The following CNBD1 variants were observed in gnomAD, a reference collection of about 807,000 sequenced individuals.
CNBD1 encodes the protein cyclic nucleotide-binding domain-containing protein 1.
Under a neutral mutation model 54.4 loss-of-function variants are expected in CNBD1, and 71 were observed. The ratio of observed to expected loss-of-function variants is 1.30; its 90% CI spans 1.08 to 1.59. The LOEUF (loss-of-function observed/expected upper bound fraction) is 1.59, where lower values mean the gene tolerates loss of function less well. Among genes scored for constraint, CNBD1 ranks in the 40% most tolerant of loss-of-function variants. CNBD1 has a pLI of 0.00. For missense variants in CNBD1, 659 were observed against 518.0 expected (o/e 1.27, Z -2.64); for synonymous variants, 182 against 170.7 (o/e 1.07, Z -0.51).
intron 4 of CNBD1, among the ~76,000 whole-genome samples, chr8:87,100,968 A>G (rs1811418170): frequency 6.6e-6 from 1 of 152,196 alleles, no homozygotes; most frequent in Admixed American, 6.5e-5. Flanking sequence ...CAGCATCCAG[A>G]AAGAGAAATA....
At chr8:87,268,013 A>G (rs1392283236) in intron 6 of CNBD1, among the ~76,000 whole-genome samples, 2 of 152,052 alleles carry the variant, frequency 1.3e-5, no homozygotes, top group African/African-American at 2.4e-5. Context: ...ACACAGGCAA[A>G]TTGCGTGTTG....
chr8:87,176,866 C>G (rs1346635621), intron 4 of CNBD1, among the ~76,000 whole-genome samples: 1 of 151,976 alleles, frequency 6.6e-6, no homozygotes, highest in African/African-American at 2.4e-5. Flanking sequence ...GAAAGTAAAT[C>G]AAGATAACTA....
At chr8:86,984,414 G>A (rs1808558853) in intron 4 of CNBD1, among the ~76,000 whole-genome samples, 1 of 152,160 alleles carries the variant, frequency 6.6e-6, no homozygotes, top group Non-Finnish European at 1.5e-5. Flanking sequence ...CAATCTAGTG[G>A]AGCTGTGAGA....
intron 3 of CNBD1, among the ~76,000 whole-genome samples, chr8:86,922,718 G>A (rs1217347892): frequency 1.3e-5 from 2 of 152,116 alleles, no homozygotes; most frequent in African/African-American, 4.8e-5. Context: ...CTAAAAGGAA[G>A]GTACTTTCGT....
Position 86,963,149 on chromosome 8 carries a change from C to T in CNBD1, c.431+23395C>T, listed in dbSNP as rs144688303. Among the ~76,000 whole-genome samples the T allele has an allele frequency of 4.7e-3, 709 of 152,224 alleles. 6 individuals are homozygous for T. Among genetic ancestry groups the T allele is most frequent in the African/African-American group, 0.016 (665 of 41,542 alleles). ...ATTTCGACCTTATATCCCTGAGTTC[C>T]GGTGACCTGTGCAGGTGCTGACCAT... On this transcript the variant is annotated intron_variant, in intron 4 of 10. Coordinates refer to ENST00000518476, the MANE Select transcript of CNBD1 (RefSeq NM_173538.3).
chr8:87,331,242 GTGT>G (rs1322155784), intron 8 of CNBD1, among the ~76,000 whole-genome samples: 1 of 152,124 alleles, frequency 6.6e-6, no homozygotes, highest in Non-Finnish European at 1.5e-5. Flanking sequence ...GTCCAGGTGT[GTGT>G]TGTTCCCCGA....
intron 3 of CNBD1, among the ~76,000 whole-genome samples, chr8:86,927,388 A>G (rs902073375): frequency 6.6e-6 from 1 of 152,072 alleles, no homozygotes; most frequent in African/African-American, 2.4e-5. Flanking sequence ...CAAAACCCAG[A>G]CTGTTTGTTA....
At chr8:87,008,984 G>A (rs1335205279) in intron 4 of CNBD1, among the ~76,000 whole-genome samples, 1 of 151,712 alleles carries the variant, frequency 6.6e-6, no homozygotes, top group Non-Finnish European at 1.5e-5. Flanking sequence ...TATAATTTGG[G>A]TTGAAATTTT....
intron 2 of CNBD1, among the ~76,000 whole-genome samples, chr8:87,413,188 G>T (rs185706409): frequency 1.3e-5 from 2 of 152,022 alleles, no homozygotes; most frequent in Non-Finnish European, 2.9e-5. Flanking sequence ...ATGACACAGG[G>T]TTGTGAAATT....
At chr8:87,218,151 C>T (rs2130806651) in intron 5 of CNBD1, among the ~76,000 whole-genome samples, 1 of 152,166 alleles carries the variant, frequency 6.6e-6, no homozygotes, top group Non-Finnish European at 1.5e-5. Flanking sequence ...CTCCCCACTC[C>T]TGGCAGGGCT....
chr8:87,313,852 G>A lies in CNBD1; in HGVS notation c.1042+27181G>A, dbSNP rs536857571. ...AAATGACAGTAAGGAAAACATGTCA[G>A]CAACAAAAATAATTTTTATAATAGT... On this transcript the variant is annotated intron_variant, in intron 8 of 10. Coordinates refer to ENST00000518476, the MANE Select transcript of CNBD1 (RefSeq NM_173538.3). Among the ~76,000 whole-genome samples, 413 of 151,886 alleles carry A rather than the reference G, an allele frequency of 2.7e-3. 1 individual carries two copies. The highest frequency in any genetic ancestry group is 9.5e-3 in the African/African-American group (394 of 41,480).
intron 8 of CNBD1, among the ~76,000 whole-genome samples, chr8:87,311,712 T>C (rs1356044905): frequency 6.6e-6 from 1 of 152,000 alleles, no homozygotes; most frequent in African/African-American, 2.4e-5. Context: ...CCATCAACAG[T>C]GTATTAGATA....
intron 3 of CNBD1, among the ~76,000 whole-genome samples, chr8:86,931,380 T>C (rs1809454999): frequency 6.6e-6 from 1 of 152,204 alleles, no homozygotes; most frequent in Non-Finnish European, 1.5e-5. Flanking sequence ...TGGGGGCTTC[T>C]GGCCCAGAGA....
At chr8:87,101,923 C>G (rs1213434950) in intron 4 of CNBD1, among the ~76,000 whole-genome samples, 5 of 147,296 alleles carry the variant, frequency 3.4e-5, no homozygotes. Context: ...GAGTCTTGCT[C>G]TGTCACCCAG....
At chr8:87,048,996 T>C (rs867679274) in intron 4 of CNBD1, among the ~76,000 whole-genome samples, 8 of 152,222 alleles carry the variant, frequency 5.3e-5, no homozygotes, top group Non-Finnish European at 4.4e-5. Context: ...AAGTGGACTT[T>C]ACTGTGCTCT....
intron 2 of CNBD1, among the ~76,000 whole-genome samples, chr8:87,420,224 A>G (rs772570567): frequency 2.0e-5 from 3 of 151,988 alleles, no homozygotes; most frequent in Non-Finnish European, 4.4e-5. Flanking sequence ...CTGAGGTTTC[A>G]CAGCTTTGTG....
chr8:87,198,818 A>T (rs1233533388), intron 4 of CNBD1, among the ~76,000 whole-genome samples: 1 of 152,242 alleles, frequency 6.6e-6, no homozygotes, highest in Non-Finnish European at 1.5e-5. Context: ...TTGCATTGCC[A>T]TAAATAAATA....
Position 87,300,456 on chromosome 8 carries a change from T to G in CNBD1, c.1042+13785T>G, listed in dbSNP as rs1808965750. Among the ~76,000 whole-genome samples the G allele has an allele frequency of 2.0e-5, 3 of 152,150 alleles. No homozygotes were observed. The South Asian group carries it at 6.2e-4, about 32-fold the overall frequency. ...TAAAAAATCTAAAGTTATGCATTGTTCAGGTAGAAACTAGACACACTAACT... is the reference window on the plus strand; with the variant it reads ...TAAAAAATCTAAAGTTATGCATTGTGCAGGTAGAAACTAGACACACTAACT... On this transcript the variant is annotated intron_variant, in intron 8 of 10. Coordinates refer to ENST00000518476, the MANE Select transcript of CNBD1 (RefSeq NM_173538.3).
At chr8:86,909,823 G>C (rs1480963736) in intron 3 of CNBD1, among the ~76,000 whole-genome samples, 1 of 152,168 alleles carries the variant, frequency 6.6e-6, no homozygotes, top group African/African-American at 2.4e-5. Flanking sequence ...CTGCCGTCAA[G>C]AAATCTTCCG....
Sources: gnomAD v4.1 joint callset for allele counts (sites outside exome capture counted in the v4.1 genomes callset) on GRCh38, gnomAD v4.1.1 for gene constraint, MANE v1.5 for transcripts, NCBI Gene and HGNC (gene_info 2026-07-23, HGNC 2026-07-21) for gene names.